The following PLXDC2 variants were observed in gnomAD, a reference collection of about 807,000 sequenced individuals.
PLXDC2 encodes plexin domain-containing protein 2.
A neutral mutation model predicts 68.9 loss-of-function variants in PLXDC2; 40 were observed. That is an observed-to-expected ratio of 0.58 (90% CI 0.45 to 0.76). PLXDC2 has a LOEUF of 0.76. Ranked by LOEUF, PLXDC2 falls within the 30% of genes least tolerant of loss-of-function variation. The pLI is 0.00. For missense variants in PLXDC2, 644 were observed against 661.9 expected, an observed-to-expected ratio of 0.97 and a Z score of 0.30; for synonymous variants, 243 against 234.2, an observed-to-expected ratio of 1.04 and a Z score of -0.34.
At chr10:19,918,861 G>A (rs545190414) in intron 1 of PLXDC2, among the ~76,000 whole-genome samples, 8 of 152,274 alleles carry the variant, frequency 5.3e-5, no homozygotes, top group Non-Finnish European at 7.4e-5. Context: ...TTTCTCAATC[G>A]TTAAGAAGTT....
chr10:19,952,793 C>G (rs914082392), intron 1 of PLXDC2, among the ~76,000 whole-genome samples: 3 of 152,146 alleles, frequency 2.0e-5, no homozygotes, highest in African/African-American at 7.2e-5. Flanking sequence ...TTCGGATTTT[C>G]CAGAAGGAAA....
At chr10:20,162,059 AGAGAGAGAGAGAGAAG>A (rs1197774565) in intron 6 of PLXDC2, among the ~76,000 whole-genome samples, 5 of 122,696 alleles carry the variant, frequency 4.1e-5, no homozygotes, top group South Asian at 3.0e-4. Context: ...AGAGAGAGAG[AGAGAGAGAGAGAGAAG>A]GAAGGAAGGA....
At chr10:19,932,483 T>G (rs915784549) in intron 1 of PLXDC2, among the ~76,000 whole-genome samples, 2 of 152,228 alleles carry the variant, frequency 1.3e-5, no homozygotes, top group Non-Finnish European at 2.9e-5. Context: ...TAGACCTGCC[T>G]TCAGCATCCT....
chr10:20,081,088 C>T (rs116669333), intron 4 of PLXDC2, among the ~76,000 whole-genome samples: 15 of 152,274 alleles, frequency 9.9e-5, no homozygotes, highest in African/African-American at 3.6e-4. Flanking sequence ...GAAGAGTAAT[C>T]ATTGTGAAAT....
intron 2 of PLXDC2, among the ~76,000 whole-genome samples, chr10:20,026,351 A>G (rs1835402853): frequency 6.6e-6 from 1 of 152,194 alleles, no homozygotes. Flanking sequence ...TTTCAACTGC[A>G]AAGACTTGGA....
At chr10:19,920,332 C>A (rs1036820100) in intron 1 of PLXDC2, among the ~76,000 whole-genome samples, 1 of 152,154 alleles carries the variant, frequency 6.6e-6, no homozygotes, top group Admixed American at 6.5e-5. Flanking sequence ...CTAAATGTTG[C>A]ATTTCCCAAG....
chr10:19,982,377 T>A (rs905410870), intron 1 of PLXDC2, among the ~76,000 whole-genome samples: 1 of 152,198 alleles, frequency 6.6e-6, no homozygotes, highest in Non-Finnish European at 1.5e-5. Context: ...TATTGCAGTA[T>A]CCTCCGTCAA....
intron 1 of PLXDC2, among the ~76,000 whole-genome samples, chr10:19,942,233 T>C (rs1020544261): frequency 6.6e-6 from 1 of 152,204 alleles, no homozygotes; most frequent in Admixed American, 6.5e-5. Flanking sequence ...ATTGTCCAGA[T>C]GGTAAAAGCT....
At chr10:19,941,484 T>C (rs560401399) in intron 1 of PLXDC2, among the ~76,000 whole-genome samples, 3 of 152,214 alleles carry the variant, frequency 2.0e-5, no homozygotes, top group Non-Finnish European at 4.4e-5. Context: ...TGTTGGCACA[T>C]TGCTGGCTTC....
intron 6 of PLXDC2, among the ~76,000 whole-genome samples, chr10:20,159,307 C>G (rs1208676515): frequency 6.6e-6 from 1 of 152,136 alleles, no homozygotes; most frequent in Admixed American, 6.5e-5. Flanking sequence ...ATTGCTCTTG[C>G]TACTGAAACC....
At chr10:20,060,513 C>T (rs529617826) in intron 3 of PLXDC2, among the ~76,000 whole-genome samples, 2 of 138,298 alleles carry the variant, frequency 1.4e-5, no homozygotes, top group South Asian at 4.6e-4. Flanking sequence ...AAAAAAAAGT[C>T]ATTGAGGCTG....
intron 1 of PLXDC2, among the ~76,000 whole-genome samples, chr10:19,837,781 C>G (rs1395488707): frequency 6.6e-6 from 1 of 152,104 alleles, no homozygotes; most frequent in Non-Finnish European, 1.5e-5. Flanking sequence ...CATTGTTTGC[C>G]TATGTAAATT....
chr10:20,240,767 C>A (rs1228552239), intron 12 of PLXDC2, among the ~76,000 whole-genome samples: 2 of 150,030 alleles, frequency 1.3e-5, no homozygotes, highest in East Asian at 2.0e-4. Context: ...ATGCTTTCTC[C>A]AAAACTATGT....
At chr10:20,117,830 A>C (rs1267066017) in intron 4 of PLXDC2, among the ~76,000 whole-genome samples, 1 of 152,196 alleles carries the variant, frequency 6.6e-6, no homozygotes, top group African/African-American at 2.4e-5. Flanking sequence ...AATCTCAGTC[A>C]AGATGAAATT....
At chr10:19,977,658 G>C (rs904546774) in intron 1 of PLXDC2, among the ~76,000 whole-genome samples, 3 of 152,130 alleles carry the variant, frequency 2.0e-5, no homozygotes, top group African/African-American at 7.2e-5. Flanking sequence ...AGATCCAGGT[G>C]CCAGCAGATT....
chr10:20,029,546 T>G (rs1270959067), intron 2 of PLXDC2, among the ~76,000 whole-genome samples: 1 of 151,870 alleles, frequency 6.6e-6, no homozygotes, highest in Non-Finnish European at 1.5e-5. Context: ...TTGATTCCCC[T>G]CCTCACCCCT....
At chr10:19,850,436 AG>A (rs1837093424) in intron 1 of PLXDC2, among the ~76,000 whole-genome samples, 1 of 152,322 alleles carries the variant, frequency 6.6e-6, no homozygotes, top group African/African-American at 2.4e-5. Flanking sequence ...AGTTGTTTAT[AG>A]ACGATGTTCT....
chr10:20,075,541 G>A (rs1343070736), intron 4 of PLXDC2, among the ~76,000 whole-genome samples: 2 of 152,098 alleles, frequency 1.3e-5, no homozygotes, highest in South Asian at 4.1e-4. Flanking sequence ...TGTTTCTCCT[G>A]CATGTCTGTC....
intron 4 of PLXDC2, among the ~76,000 whole-genome samples, chr10:20,113,482 A>G (rs1238591071): frequency 6.6e-6 from 1 of 152,102 alleles, no homozygotes; most frequent in Non-Finnish European, 1.5e-5. Flanking sequence ...TAATGTGTCT[A>G]CTTCTGCCCA....
Sources: gnomAD v4.1 joint callset for allele counts (sites outside exome capture counted in the v4.1 genomes callset) on GRCh38, gnomAD v4.1.1 for gene constraint, MANE v1.5 for transcripts, NCBI Gene and HGNC (gene_info 2026-07-23, HGNC 2026-07-21) for gene names.